The following RAB3GAP2 variants were observed in gnomAD, a reference collection of about 807,000 sequenced individuals.
The protein encoded by RAB3GAP2 is RAB3 GTPase activating non-catalytic protein subunit 2.
A neutral mutation model predicts 185.3 loss-of-function variants in RAB3GAP2; 87 were observed. The ratio of observed to expected loss-of-function variants is 0.47; its 90% CI spans 0.39 to 0.56. The LOEUF is 0.56. RAB3GAP2 is among the 20% of genes least tolerant of loss of function. RAB3GAP2 has a pLI of 0.00. For missense variants in RAB3GAP2, 1,492 were observed against 1,638.2 expected, an observed-to-expected ratio of 0.91 and a Z score of 1.54; for synonymous variants, 554 against 576.1, an observed-to-expected ratio of 0.96 and a Z score of 0.55.
intron 1 of RAB3GAP2, among the ~76,000 whole-genome samples, chr1:220,270,253 C>A (rs1292908258): frequency 3.3e-5 from 5 of 152,210 alleles, no homozygotes; most frequent in African/African-American, 1.2e-4. Context: ...TTCCCAGTAA[C>A]CTCTACTTGA....
intron 24 of RAB3GAP2, among the ~76,000 whole-genome samples, chr1:220,168,315 C>T (rs192102902): frequency 0.011 from 1,682 of 152,152 alleles, 19 homozygotes; most frequent in Non-Finnish European, 0.016. Flanking sequence ...TGGTCTCGAA[C>T]TCCTGACCTC....
chr1:220,236,121 T>C (rs1254500669), intron 1 of RAB3GAP2, among the ~76,000 whole-genome samples: 1 of 152,230 alleles, frequency 6.6e-6, no homozygotes, highest in Non-Finnish European at 1.5e-5. Flanking sequence ...ATAGTCACCT[T>C]AAAAATGGGA....
Position 220,266,606 on chromosome 1 carries a change from T to C in RAB3GAP2, c.115+5617A>G, listed in dbSNP as rs1660230840. The stretch of plus-strand genomic sequence containing the variant: ...CAAATATTTCTTTTAGTGTTCTAGA[T>C]TGAGGGCAGCAGTCAATGGTAAAAT... On this transcript the variant is annotated intron_variant, in intron 1 of 34. Coordinates refer to ENST00000358951, the MANE Select transcript of RAB3GAP2 (RefSeq NM_012414.4). 15 of 1,061,508 alleles carry C rather than the reference T, an allele frequency of 1.4e-5. 1 individual carries two copies. Among genetic ancestry groups the C allele is most frequent in the South Asian group, 1.3e-4 (10 of 78,416 alleles). 65.8% of individuals were successfully genotyped at this position (1,061,508 alleles called of 1,614,324 possible). A position where few individuals can be genotyped will look rare whatever the true frequency, so the allele number is the denominator to read the frequency against.
intron 34 of RAB3GAP2, 76 bp downstream of exon 34, chr1:220,151,529 CT>C: frequency 6.3e-7 from 1 of 1,587,554 alleles, no homozygotes; most frequent in Non-Finnish European, 8.7e-7. Flanking sequence ...GTCAAATTTT[CT>C]TCATAACTGT....
At position 220,162,314 on chromosome 1, in the gene RAB3GAP2, A is replaced by T. The variant is rs779071669; in HGVS notation, c.3155-46T>A. The T allele has an allele frequency of 3.1e-6, 4 of 1,270,606 alleles. No homozygotes were observed. In the African/African-American group the frequency reaches 5.9e-5, roughly 19 times the overall value. 78.7% of individuals were successfully genotyped at this position (1,270,606 alleles called of 1,614,324 possible). On this transcript the variant is annotated intron_variant, in intron 27 of 34. Coordinates refer to ENST00000358951, the MANE Select transcript of RAB3GAP2 (RefSeq NM_012414.4). Reference sequence around the variant, plus strand: ...GTAAATAGAATGCTTATATAGTCTCACTTTTATTACACATAAATTACTCTT... The same window carrying T: ...GTAAATAGAATGCTTATATAGTCTCTCTTTTATTACACATAAATTACTCTT...
chr1:220,174,142 C>A (rs1364813568), intron 21 of RAB3GAP2, among the ~76,000 whole-genome samples: 1 of 150,850 alleles, frequency 6.6e-6, no homozygotes, highest in Non-Finnish European at 1.5e-5. Context: ...CTATTAATAA[C>A]ATGCGTATTT....
rs974190796 is a variant in RAB3GAP2 at position 220,157,206 on chromosome 1, A to G, written c.3555+64T>C. 4.3e-6 allele frequency: 6 copies of G among 1,389,398 alleles called. No homozygotes were observed. In the African/African-American group the frequency reaches 8.5e-5, roughly 20 times the overall value. 86.1% of individuals were successfully genotyped at this position (1,389,398 alleles called of 1,614,324 possible). A position where few individuals can be genotyped will look rare whatever the true frequency, so the allele number is the denominator to read the frequency against. ...TACTGGACAGCTTCTATTAAATATG[A>G]AAATCCATGTGTCTGCTAAGCCTGC... is the stretch of plus-strand genomic sequence containing the variant. On this transcript the variant is annotated intron_variant, in intron 31 of 34. Coordinates refer to ENST00000358951, the MANE Select transcript of RAB3GAP2 (RefSeq NM_012414.4).
intron 9 of RAB3GAP2, among the ~76,000 whole-genome samples, chr1:220,200,381 T>C (rs1290369041): frequency 6.6e-6 from 1 of 152,208 alleles, no homozygotes; most frequent in African/African-American, 2.4e-5. Context: ...TTCATTTAGT[T>C]TATTGTTTGT....
chr1:220,177,459 T>C (rs568867782), intron 21 of RAB3GAP2, among the ~76,000 whole-genome samples: 4 of 152,070 alleles, frequency 2.6e-5, no homozygotes, highest in South Asian at 2.1e-4. Flanking sequence ...CCTCACCAAA[T>C]GGACAAAGAA....
Position 220,205,973 on chromosome 1 carries a change from T to C in RAB3GAP2, c.646A>G (p.Ile216Val). 4 of 1,610,546 alleles carry C rather than the reference T, an allele frequency of 2.5e-6. No individual in the cohort carries two copies. The highest frequency in any genetic ancestry group is 3.4e-6 in the Non-Finnish European group (4 of 1,177,204). The change falls in exon 8 of 35, where the codon ATT (isoleucine) becomes GTT (valine). Residue 216 changes from isoleucine to valine, a missense_variant. By Grantham distance (29) the Ile-to-Val change is conservative. This residue lies in a region of RAB3GAP2 where 243 missense variants were observed against 314.8 expected (regional missense o/e 0.77). Coordinates refer to ENST00000358951, the MANE Select transcript of RAB3GAP2 (RefSeq NM_012414.4). The part of the protein sequence containing the change: ...EELSILYPAA[I>V]VTIDGFSLFQ... ...AGGCTAAATCCATCAATAGTCACAA[T>C]GGCAGCTGGATATAAGATACTCAAC...
chr1:220,225,703 A>AAAGTCCT (rs1182076545), intron 2 of RAB3GAP2, among the ~76,000 whole-genome samples: 1 of 152,194 alleles, frequency 6.6e-6, no homozygotes, highest in Non-Finnish European at 1.5e-5. Flanking sequence ...TCCAAAGTCC[A>AAAGTCCT]AAGTCCTAAT....
chr1:220,161,912 C>T (rs1657970281), intron 28 of RAB3GAP2, among the ~76,000 whole-genome samples: 1 of 152,110 alleles, frequency 6.6e-6, no homozygotes, highest in South Asian at 2.1e-4. Flanking sequence ...TAAATTTGTA[C>T]ACTTTAATTT....
chr1:220,223,254 G>A (rs1659341436), intron 2 of RAB3GAP2, among the ~76,000 whole-genome samples: 1 of 152,028 alleles, frequency 6.6e-6, no homozygotes, highest in African/African-American at 2.4e-5. Flanking sequence ...TAGGTGTCAT[G>A]GAGTAAAAGA....
chr1:220,229,724 A>G (rs1659464758), intron 2 of RAB3GAP2, among the ~76,000 whole-genome samples: 1 of 152,250 alleles, frequency 6.6e-6, no homozygotes, highest in Non-Finnish European at 1.5e-5. Flanking sequence ...TGGGTCTGAA[A>G]TATTATACTA....
intron 1 of RAB3GAP2, among the ~76,000 whole-genome samples, chr1:220,243,874 TACA>T (rs1345280963): frequency 6.6e-6 from 1 of 152,174 alleles, no homozygotes; most frequent in Non-Finnish European, 1.5e-5. Context: ...CAAACTTTGA[TACA>T]ACATCCCAAA....
intron 1 of RAB3GAP2, among the ~76,000 whole-genome samples, chr1:220,271,621 G>A (rs529816571): frequency 2.6e-5 from 4 of 152,202 alleles, no homozygotes; most frequent in Admixed American, 6.5e-5. Flanking sequence ...CTTTGAGAGA[G>A]TCTTACCTCA....
At chr1:220,254,330 T>C (rs1350096583) in intron 1 of RAB3GAP2, 3 of 1,613,362 alleles carry the variant, frequency 1.9e-6, no homozygotes, top group Admixed American at 3.3e-5. Context: ...GATGCACCCA[T>C]GTCCCAGGTG....
At chr1:220,187,567 GA>G (rs1363725990) in intron 17 of RAB3GAP2, among the ~76,000 whole-genome samples, 1 of 152,104 alleles carries the variant, frequency 6.6e-6, no homozygotes, top group African/African-American at 2.4e-5. Context: ...AGACTGAGTT[GA>G]TCACCAATGG....
chr1:220,151,647 C>T lies in RAB3GAP2; in HGVS notation c.3985G>A (p.Ala1329Thr), dbSNP rs767476276. 3 of 1,612,136 alleles carry T rather than the reference C, an allele frequency of 1.9e-6. No individual in the cohort carries two copies. In the Admixed American group the frequency reaches 5.0e-5, roughly 27 times the overall value. ...GTACACAGTGTGGGTGGAAGTCTGGCAAGCAGCTCCATTCCTTCTTTTGTC... is the reference window on the plus strand; with the variant it reads ...GTACACAGTGTGGGTGGAAGTCTGGTAAGCAGCTCCATTCCTTCTTTTGTC... ...TQTKEGMELL[A>T]RLPPTLCTWL... The change falls in exon 34 of 35, where the codon GCC (alanine) becomes ACC (threonine). Residue 1329 changes from alanine (A) to threonine (T), a missense_variant. Around this residue, in one of 5 missense-constraint regions of RAB3GAP2, gnomAD observed 387 missense variants for 455.3 expected, o/e 0.85. Coordinates refer to ENST00000358951, the MANE Select transcript of RAB3GAP2 (RefSeq NM_012414.4).
Sources: allele counts gnomAD v4.1 joint callset (sites outside exome capture counted in the v4.1 genomes callset), GRCh38; gene constraint gnomAD v4.1.1; regional missense constraint gnomAD v4.1.1; transcripts MANE v1.5; gene names NCBI Gene and HGNC (gene_info 2026-07-23, HGNC 2026-07-21).